LYST: variants seen among roughly 807,000 people sequenced by gnomAD.
LYST encodes lysosomal trafficking regulator, also known as lysosomal-trafficking regulator.
A neutral mutation model predicts 413.6 loss-of-function variants in LYST; 192 were observed. The ratio of observed to expected loss-of-function variants is 0.46; its 90% CI spans 0.41 to 0.52. The LOEUF is 0.52. LYST is among the 20% of genes least tolerant of loss of function. LYST has a pLI of 0.00. For synonymous variants in LYST, 1,525 were observed against 1,567.3 expected, an observed-to-expected ratio of 0.97 and a Z score of 0.64; for missense variants, 3,815 against 4,499.9, an observed-to-expected ratio of 0.85 and a Z score of 4.35.
chr1:235,806,897 C>A, intron 5 of LYST, 125 bp from the exon 6 acceptor site: 2 of 687,852 alleles, frequency 2.9e-6, no homozygotes, highest in Admixed American at 2.6e-5. Flanking sequence ...TAATTTTATT[C>A]ATCAATTATC....
At chr1:235,713,409 G>A (rs1353096951) in intron 42 of LYST, among the ~76,000 whole-genome samples, 1 of 152,206 alleles carries the variant, frequency 6.6e-6, no homozygotes, top group Admixed American at 6.5e-5. Context: ...TACGGAACAA[G>A]AGTAGCACAT....
chr1:235,785,319 T>C (rs1670306395), intron 14 of LYST, among the ~76,000 whole-genome samples: 1 of 152,196 alleles, frequency 6.6e-6, no homozygotes. Context: ...TAAATATTCA[T>C]TTAATTGTGT....
At chr1:235,726,987 T>C (rs1028582825) in intron 38 of LYST, among the ~76,000 whole-genome samples, 4 of 152,216 alleles carry the variant, frequency 2.6e-5, no homozygotes, top group African/African-American at 9.6e-5. Flanking sequence ...ATCTGGGACA[T>C]ACCCTGTGGT....
upstream of LYST, among the ~76,000 whole-genome samples, chr1:235,868,553 T>G (rs1471038597): frequency 2.0e-5 from 3 of 152,140 alleles, no homozygotes; most frequent in African/African-American, 7.2e-5. Flanking sequence ...AATAATAGAT[T>G]ATCATGATTT....
At chr1:235,871,256 T>A (rs946660756), upstream of LYST, among the ~76,000 whole-genome samples, 22 of 152,338 alleles carry the variant, frequency 1.4e-4, no homozygotes, top group Admixed American at 1.2e-3. Flanking sequence ...CTCTACTAAA[T>A]CACCAATAGC....
chr1:235,779,840 C>T (rs548219298), intron 16 of LYST, among the ~76,000 whole-genome samples: 1 of 152,260 alleles, frequency 6.6e-6, no homozygotes, highest in South Asian at 2.1e-4. Flanking sequence ...TAGTCTCCTT[C>T]AAGTAAGAAA....
chr1:235,666,260 AC>A (rs1658452524), intron 50 of LYST, among the ~76,000 whole-genome samples: 4 of 146,160 alleles, frequency 2.7e-5, no homozygotes, highest in South Asian at 2.2e-4. Flanking sequence ...ACACACACAC[AC>A]ACACACACAA....
chr1:235,786,944 T>C (rs1201236202), intron 14 of LYST: 4 of 311,498 alleles, frequency 1.3e-5, no homozygotes, highest in Non-Finnish European at 1.3e-5. Flanking sequence ...ATATACCTAA[T>C]GTAAATGACG....
chr1:235,677,818 T>C (rs1659502606), intron 48 of LYST, among the ~76,000 whole-genome samples, 199 bp from the exon 49 acceptor site: 1 of 152,228 alleles, frequency 6.6e-6, no homozygotes, highest in African/African-American at 2.4e-5. Flanking sequence ...GTTTTCATTT[T>C]TGTCTATTCT....
At chr1:235,868,650 A>G (rs569344926), upstream of LYST, among the ~76,000 whole-genome samples, 8 of 152,322 alleles carry the variant, frequency 5.3e-5, no homozygotes, top group South Asian at 1.4e-3. Flanking sequence ...AAAAGGCACA[A>G]AGTAATGCCA....
intron 1 of LYST, among the ~76,000 whole-genome samples, chr1:235,865,014 G>A (rs1362770054): frequency 6.6e-6 from 1 of 152,036 alleles, no homozygotes; most frequent in Non-Finnish European, 1.5e-5. Context: ...CCTTAAAAGG[G>A]CCTACAAGGC....
intron 3 of LYST, 35 bp downstream of exon 3, chr1:235,830,191 T>C (rs1675798355): frequency 2.7e-6 from 4 of 1,470,426 alleles, no homozygotes; most frequent in East Asian, 2.3e-5. Context: ...CTATCATATA[T>C]TGATGAAAGT....
At chr1:235,765,760 A>T (rs1668079014) in intron 21 of LYST, among the ~76,000 whole-genome samples, 1 of 151,994 alleles carries the variant, frequency 6.6e-6, no homozygotes, top group Non-Finnish European at 1.5e-5. Context: ...TATTCTCTCC[A>T]CAGTGGTCGG....
At chr1:235,753,014 T>C in intron 26 of LYST, 30 bp downstream of exon 26, 1 of 1,162,410 alleles carries the variant, frequency 8.6e-7, no homozygotes, top group Non-Finnish European at 1.3e-6. Flanking sequence ...ATTTATCAGA[T>C]GTAATTTTAA....
At chr1:235,795,231 G>A (rs771096844) in intron 10 of LYST, among the ~76,000 whole-genome samples, 2 of 152,142 alleles carry the variant, frequency 1.3e-5, no homozygotes, top group Admixed American at 6.5e-5. Flanking sequence ...TCTCAGTACA[G>A]AGCACAGATA....
chr1:235,801,923 C>T (rs1246288940), intron 8 of LYST, among the ~76,000 whole-genome samples: 5 of 152,002 alleles, frequency 3.3e-5, no homozygotes, highest in Admixed American at 6.6e-5. Context: ...TGGCTGGGTG[C>T]GGTGGCTCAC....
At chr1:235,857,661 G>A (rs868162444) in intron 1 of LYST, among the ~76,000 whole-genome samples, 4 of 151,294 alleles carry the variant, frequency 2.6e-5, no homozygotes, top group Admixed American at 6.6e-5. Context: ...AGGGGGGTGT[G>A]TCTGTGGGTG....
intron 21 of LYST, among the ~76,000 whole-genome samples, chr1:235,765,678 C>T (rs1185078141): frequency 3.3e-5 from 5 of 152,156 alleles, no homozygotes; most frequent in Non-Finnish European, 7.4e-5. Flanking sequence ...GGAACACTAA[C>T]TCTCCAATCT....
intron 40 of LYST, among the ~76,000 whole-genome samples, chr1:235,719,826 AC>A (rs901964468): frequency 6.6e-6 from 1 of 152,068 alleles, no homozygotes; most frequent in African/African-American, 2.4e-5. Context: ...AGAATAAGTG[AC>A]CTGGTTTTTC....
Sources: allele counts gnomAD v4.1 joint callset (sites outside exome capture counted in the v4.1 genomes callset), GRCh38; gene constraint gnomAD v4.1.1; transcripts MANE v1.5; gene names NCBI Gene and HGNC (gene_info 2026-07-23, HGNC 2026-07-21).